The following TSPAN2 variants were observed in gnomAD, a reference collection of about 807,000 sequenced individuals.
TSPAN2 encodes tetraspanin 2, also known as tetraspanin-2.
Under a neutral mutation model 33.3 loss-of-function variants are expected in TSPAN2, and 24 were observed. That is an observed-to-expected ratio of 0.72 (90% CI 0.52 to 1.01). The LOEUF is 1.01. Ranked by LOEUF, TSPAN2 falls within the 50% of genes least tolerant of loss-of-function variation. The probability of loss-of-function intolerance (pLI) is 0.00; values close to 1 mark genes in which losing one functional copy is unlikely to be tolerated. For missense variants in TSPAN2, 278 were observed against 281.3 expected, an observed-to-expected ratio of 0.99 and a Z score of 0.08; for synonymous variants, 114 against 104.5, an observed-to-expected ratio of 1.09 and a Z score of -0.56.
chr1:115,083,961 G>C (rs1648733850), intron 1 of TSPAN2, among the ~76,000 whole-genome samples: 1 of 152,200 alleles, frequency 6.6e-6, no homozygotes, highest in African/African-American at 2.4e-5. Context: ...ATCAAGGGCT[G>C]TGTCTTAATC....
At chr1:115,067,569 C>A (rs1647997811) in intron 2 of TSPAN2, among the ~76,000 whole-genome samples, 1 of 152,166 alleles carries the variant, frequency 6.6e-6, no homozygotes, top group Admixed American at 6.5e-5. Flanking sequence ...AAAAATATGA[C>A]CAGCGTGAGT....
At chr1:115,067,712 G>A (rs532811986) in intron 2 of TSPAN2, among the ~76,000 whole-genome samples, 254 of 152,344 alleles carry the variant, frequency 1.7e-3, no homozygotes, top group Admixed American at 2.7e-3. Flanking sequence ...GCTGCAGTCA[G>A]GCTGCGATCC....
chr1:115,066,984 C>T (rs1341678086), intron 2 of TSPAN2, among the ~76,000 whole-genome samples: 1 of 152,064 alleles, frequency 6.6e-6, no homozygotes, highest in Non-Finnish European at 1.5e-5. Context: ...TAGGGATGCT[C>T]GATCTGTAAT....
At chr1:115,060,302 C>G (rs17033097) in intron 4 of TSPAN2, among the ~76,000 whole-genome samples, 162 bp downstream of exon 4, 2 of 152,062 alleles carry the variant, frequency 1.3e-5, no homozygotes, top group African/African-American at 4.8e-5. Context: ...TGCCTGCACA[C>G]TCATATACAT....
chr1:115,058,224 G>C (rs1647513865), intron 5 of TSPAN2: 1 of 155,720 alleles, frequency 6.4e-6, no homozygotes, highest in Non-Finnish European at 1.4e-5. Context: ...ACAAGAACTA[G>C]GTACCTGAAA....
At chr1:115,082,925 T>A (rs1327758767) in intron 1 of TSPAN2, among the ~76,000 whole-genome samples, 3 of 152,202 alleles carry the variant, frequency 2.0e-5, no homozygotes, top group African/African-American at 7.2e-5. Flanking sequence ...AACTGTAAAA[T>A]GGGAATAATT....
chr1:115,064,631 A>G (rs1352235405), intron 2 of TSPAN2, among the ~76,000 whole-genome samples: 1 of 152,224 alleles, frequency 6.6e-6, no homozygotes, highest in Non-Finnish European at 1.5e-5. Context: ...ATTCTTAGTC[A>G]GTGTGCATTG....
intron 1 of TSPAN2, among the ~76,000 whole-genome samples, chr1:115,083,761 C>G (rs930671970): frequency 1.3e-5 from 2 of 152,204 alleles, no homozygotes; most frequent in African/African-American, 4.8e-5. Context: ...ATAAACAGAT[C>G]CTGCTCCAGG....
At chr1:115,066,427 T>C (rs756572824) in intron 2 of TSPAN2, among the ~76,000 whole-genome samples, 2 of 152,206 alleles carry the variant, frequency 1.3e-5, no homozygotes, top group Non-Finnish European at 2.9e-5. Flanking sequence ...CCTTTGATAA[T>C]AGTCATTCTA....
chr1:115,066,582 C>T (rs1321106), intron 2 of TSPAN2, among the ~76,000 whole-genome samples: 97,788 of 152,012 alleles, frequency 0.64, 31,670 homozygotes, highest in South Asian at 0.79. Flanking sequence ...GATAAACTCA[C>T]TTAAAAATGT....
In TSPAN2 at chr1:115,048,378, T is replaced by C. The variant is rs1454174820; in HGVS notation, c.*2112A>G. 3 of 151,478 alleles carry C rather than the reference T, an allele frequency of 2.0e-5. No homozygotes were observed. Among genetic ancestry groups the C allele is most frequent in the Admixed American group, 1.3e-4 (2 of 15,190 alleles). The allele number at this position is 151,478 out of a possible 1,614,324, so 9.4% of individuals were successfully genotyped here. A position where few individuals can be genotyped will look rare whatever the true frequency, so the allele number is the denominator to read the frequency against. On this transcript the variant is annotated 3_prime_UTR_variant, in exon 8 of 8. Coordinates refer to ENST00000369516, the MANE Select transcript of TSPAN2 (RefSeq NM_005725.6). ...ATCCACACACACATATAAAATCTAT[T>C]GTTGCTTAGTGGTGGAATTCTCTAA...
intron 1 of TSPAN2, among the ~76,000 whole-genome samples, chr1:115,074,422 G>A (rs1332663526): frequency 1.3e-5 from 2 of 152,130 alleles, no homozygotes. Flanking sequence ...AGGAGTCAGA[G>A]GGGCAGAATT....
intron 1 of TSPAN2, among the ~76,000 whole-genome samples, chr1:115,073,271 T>TG (rs1282446549): frequency 6.6e-6 from 1 of 152,160 alleles, no homozygotes; most frequent in East Asian, 1.9e-4. Flanking sequence ...TGCCCTGTGG[T>TG]TATGGGGCAC....
In TSPAN2 at chr1:115,072,819, C is replaced by T. The variant is rs562898798; in HGVS notation, c.172+86G>A. On this transcript the variant is annotated intron_variant, in intron 2 of 7. Transcript: ENST00000369516. Reference sequence around the variant, plus strand: ...CTGCCTCTCTGCCCTCCCCCTCCCACCAAAGTTCAAGTGCAGCTTCTGCTC... The same window carrying T: ...CTGCCTCTCTGCCCTCCCCCTCCCATCAAAGTTCAAGTGCAGCTTCTGCTC... 1.8e-4 allele frequency: 215 copies of T among 1,213,592 alleles called. 1 individual carries two copies. The South Asian group carries it at 2.5e-3, about 14-fold the overall frequency. The allele number at this position is 1,213,592 out of a possible 1,614,324, so 75.2% of individuals were successfully genotyped here.
chr1:115,057,389 A>T (rs936592540), intron 6 of TSPAN2, 148 bp downstream of exon 6: 1 of 758,158 alleles, frequency 1.3e-6, no homozygotes, highest in Non-Finnish European at 2.3e-6. Flanking sequence ...CTCTCAGCTC[A>T]ACGCTATTCA....
chr1:115,078,480 T>C (rs1397415503), intron 1 of TSPAN2, among the ~76,000 whole-genome samples: 1 of 152,102 alleles, frequency 6.6e-6, no homozygotes, highest in Non-Finnish European at 1.5e-5. Context: ...TGAGGATATG[T>C]GGGGTTGGGG....
intron 6 of TSPAN2, among the ~76,000 whole-genome samples, chr1:115,054,862 C>A (rs1026682458): frequency 1.3e-5 from 2 of 152,134 alleles, no homozygotes; most frequent in African/African-American, 4.8e-5. Flanking sequence ...TGGCACCTAC[C>A]TGTAATCCCA....
intron 7 of TSPAN2, among the ~76,000 whole-genome samples, chr1:115,051,362 G>A (rs1158291084): frequency 6.6e-6 from 1 of 152,120 alleles, no homozygotes. Context: ...AAGGGCAAAC[G>A]ATGCTTCACT....
At chr1:115,062,031 A>C in intron 3 of TSPAN2, 104 bp downstream of exon 3, 1 of 919,092 alleles carries the variant, frequency 1.1e-6, no homozygotes, top group Non-Finnish European at 1.7e-6. Context: ...GGGCTCAGAG[A>C]GTCCACGGAG....
Sources: allele counts gnomAD v4.1 joint callset (sites outside exome capture counted in the v4.1 genomes callset), GRCh38; gene constraint gnomAD v4.1.1; transcripts MANE v1.5; gene names NCBI Gene and HGNC (gene_info 2026-07-23, HGNC 2026-07-21).